Variants in TRIM24 observed in about 807,000 individuals in gnomAD.
TRIM24 encodes tripartite motif containing 24.
A neutral mutation model predicts 123.9 loss-of-function variants in TRIM24; 29 were observed. The observed-to-expected ratio is 0.23, with a 90% CI of 0.17 to 0.32. The LOEUF (loss-of-function observed/expected upper bound fraction) is 0.32. TRIM24 is among the 10% of genes least tolerant of loss of function. The pLI, the probability that TRIM24 is intolerant of heterozygous loss-of-function variation, is 1.00. For missense variants in TRIM24, 932 were observed against 1,295.3 expected (o/e 0.72, Z 4.31); for synonymous variants, 456 against 461.1 (o/e 0.99, Z 0.14).
At chr7:138,484,112 A>ATT (rs780943666) in intron 1 of TRIM24, among the ~76,000 whole-genome samples, 7 of 144,940 alleles carry the variant, frequency 4.8e-5, no homozygotes, top group Admixed American at 2.8e-4. Flanking sequence ...TCATAAATAG[A>ATT]TTTTTTTTTT....
At chr7:138,521,171 T>C (rs1009715050) in intron 4 of TRIM24, among the ~76,000 whole-genome samples, 1 of 152,152 alleles carries the variant, frequency 6.6e-6, no homozygotes, top group Non-Finnish European at 1.5e-5. Context: ...TGCTAAACTC[T>C]CATTTAAAGT....
intron 1 of TRIM24, among the ~76,000 whole-genome samples, chr7:138,465,020 A>G (rs1345384343): frequency 6.6e-6 from 1 of 152,234 alleles, no homozygotes; most frequent in African/African-American, 2.4e-5. Flanking sequence ...TCATGGGGAA[A>G]AAAAATCCTA....
intron 9 of TRIM24, among the ~76,000 whole-genome samples, chr7:138,566,297 C>G (rs924992100): frequency 6.6e-6 from 1 of 152,116 alleles, no homozygotes; most frequent in Non-Finnish European, 1.5e-5. Flanking sequence ...GGGCTGATCA[C>G]TTGAGGTCAG....
At chr7:138,508,700 C>CGCGT (rs1182276337) in intron 2 of TRIM24, among the ~76,000 whole-genome samples, 6 of 35,510 alleles carry the variant, frequency 1.7e-4, no homozygotes, top group East Asian at 1.4e-3. Context: ...TGTGCGCGCG[C>CGCGT]GTGTGTGCGT....
chr7:138,560,973 G>GGCCT (rs1358115762), intron 9 of TRIM24, among the ~76,000 whole-genome samples: 1 of 152,046 alleles, frequency 6.6e-6, no homozygotes, highest in Non-Finnish European at 1.5e-5. Flanking sequence ...CTTTCTTTGG[G>GGCCT]GCCTATACAG....
At chr7:138,578,463 C>T (rs886427644) in intron 14 of TRIM24, among the ~76,000 whole-genome samples, 6 of 151,814 alleles carry the variant, frequency 4.0e-5, no homozygotes, top group East Asian at 1.9e-4. Context: ...CAGTACCTAC[C>T]AACTAAAACA....
intron 4 of TRIM24, among the ~76,000 whole-genome samples, chr7:138,523,704 T>G (rs1054555548): frequency 8.2e-6 from 1 of 122,272 alleles, no homozygotes; most frequent in African/African-American, 3.2e-5. Flanking sequence ...TGAGCCGAGA[T>G]GGGGCCACTG....
chr7:138,551,458 G>A (rs1231506307), intron 8 of TRIM24, among the ~76,000 whole-genome samples: 1 of 152,146 alleles, frequency 6.6e-6, no homozygotes, highest in Admixed American at 6.5e-5. Context: ...GATGCTGGAG[G>A]ATCGAAGAAA....
intron 9 of TRIM24, 102 bp downstream of exon 9, chr7:138,555,068 C>G: frequency 8.1e-7 from 1 of 1,233,308 alleles, no homozygotes; most frequent in Non-Finnish European, 1.1e-6. Flanking sequence ...CTCTAAATAT[C>G]TGCATTTATA....
At position 138,528,656 on chromosome 7, in the gene TRIM24, A is replaced by G. The variant is rs1032583164; in HGVS notation, c.882-460A>G. Among the ~76,000 whole-genome samples the G allele has an allele frequency of 3.3e-5, 5 of 152,202 alleles. No homozygotes were observed. In the South Asian group the frequency reaches 6.2e-4, roughly 19 times the overall value. On this transcript the variant is annotated intron_variant, in intron 5 of 18. Coordinates refer to ENST00000343526, the MANE Select transcript of TRIM24 (RefSeq NM_015905.3). ...TCTTTTTCTATTTAGGTGTATGAATACTGTAGCAGTTAAGAATACTAAGAA... is the reference window on the plus strand; with the variant it reads ...TCTTTTTCTATTTAGGTGTATGAATGCTGTAGCAGTTAAGAATACTAAGAA...
intron 1 of TRIM24, among the ~76,000 whole-genome samples, chr7:138,494,234 C>T (rs1029502698): frequency 2.0e-5 from 3 of 151,966 alleles, no homozygotes; most frequent in Non-Finnish European, 4.4e-5. Flanking sequence ...TGTCCACCTC[C>T]ACCTCCCAAA....
At chr7:138,480,816 G>A (rs1219038106) in intron 1 of TRIM24, among the ~76,000 whole-genome samples, 1 of 152,002 alleles carries the variant, frequency 6.6e-6, no homozygotes, top group African/African-American at 2.4e-5. Context: ...AACCTCGTGG[G>A]TGTTTCCTGT....
At chr7:138,537,519 G>A (rs1796916320) in intron 6 of TRIM24, among the ~76,000 whole-genome samples, 1 of 146,878 alleles carries the variant, frequency 6.8e-6, no homozygotes, top group Admixed American at 7.1e-5. Flanking sequence ...GGCTGAAATA[G>A]ATATTAGGAT....
chr7:138,552,421 G>T (rs968774932), intron 8 of TRIM24, among the ~76,000 whole-genome samples: 1 of 152,078 alleles, frequency 6.6e-6, no homozygotes, highest in Non-Finnish European at 1.5e-5. Flanking sequence ...CTTCTTTATT[G>T]TACTATTTGC....
At chr7:138,483,612 C>A (rs1795579540) in intron 1 of TRIM24, among the ~76,000 whole-genome samples, 1 of 152,208 alleles carries the variant, frequency 6.6e-6, no homozygotes, top group Non-Finnish European at 1.5e-5. Context: ...CAATACATAA[C>A]AACTGACACT....
In TRIM24 at chr7:138,578,171, T is replaced by TA. The variant is rs1297977905; in HGVS notation, c.2256+585dup. ...ACATAGAAATAGGTACCTAGAAAGA[T>TA]AAGCAACTGAAAATATAAGGTAATT... On this transcript the variant is annotated intron_variant, in intron 14 of 18. Coordinates refer to ENST00000343526, the MANE Select transcript of TRIM24 (RefSeq NM_015905.3). Among the ~76,000 whole-genome samples, 6 of 152,150 alleles carry TA rather than the reference T, an allele frequency of 3.9e-5. No homozygotes were observed. In the East Asian group the frequency reaches 1.2e-3, roughly 29 times the overall value.
chr7:138,567,745 A>C, intron 10 of TRIM24, 91 bp downstream of exon 10: 1 of 1,266,312 alleles, frequency 7.9e-7, no homozygotes, highest in Admixed American at 2.9e-5. Context: ...ACAGGTTATA[A>C]AGAGCCAAGA....
chr7:138,533,723 G>C (rs555222240), intron 6 of TRIM24, among the ~76,000 whole-genome samples: 2 of 152,284 alleles, frequency 1.3e-5, no homozygotes, highest in Non-Finnish European at 2.9e-5. Context: ...GATGATGCTG[G>C]CCTCATAAAA....
chr7:138,573,257 T>A (rs1051101157), intron 11 of TRIM24, among the ~76,000 whole-genome samples: 12 of 152,300 alleles, frequency 7.9e-5, no homozygotes, highest in Middle Eastern at 6.8e-3. Flanking sequence ...GTGAATGACA[T>A]GATATTCCTT....
Sources: gnomAD v4.1 joint callset for allele counts (sites outside exome capture counted in the v4.1 genomes callset) on GRCh38, gnomAD v4.1.1 for gene constraint, MANE v1.5 for transcripts, NCBI Gene and HGNC (gene_info 2026-07-23, HGNC 2026-07-21) for gene names.